MIB1: variants seen among roughly 807,000 people sequenced by gnomAD.
MIB1 encodes the protein MIB E3 ubiquitin protein ligase 1.
Under a neutral mutation model 124.5 loss-of-function variants are expected in MIB1, and 278 were observed. The ratio of observed to expected loss-of-function variants is 2.23; its 90% CI spans 2.02 to 2.47. The LOEUF is 2.47. Ranked by LOEUF, MIB1 falls within the 30% of genes most tolerant of loss-of-function variation. MIB1 has a pLI of 0.00. For missense variants in MIB1, 957 were observed against 1,254.4 expected (o/e 0.76, Z 3.58); for synonymous variants, 446 against 429.4 (o/e 1.04, Z -0.48).
At chr18:21,853,327 A>C in intron 18 of MIB1, 109 bp downstream of exon 18, 1 of 741,880 alleles carries the variant, frequency 1.3e-6, no homozygotes, top group Non-Finnish European at 2.3e-6. Flanking sequence ...ACTCATAAAA[A>C]AGTTGATGGG....
chr18:21,775,710 T>G (rs2041277549), intron 4 of MIB1, among the ~76,000 whole-genome samples: 1 of 152,250 alleles, frequency 6.6e-6, no homozygotes, highest in South Asian at 2.1e-4. Context: ...ATTGTTAATT[T>G]TCTTCAAATG....
chr18:21,793,319 C>G (rs940532501), intron 7 of MIB1, among the ~76,000 whole-genome samples: 1 of 152,132 alleles, frequency 6.6e-6, no homozygotes, highest in Non-Finnish European at 1.5e-5. Context: ...CAGAGCCTCA[C>G]TTTGAGGAGA....
chr18:21,843,829 C>A (rs2042112050), intron 14 of MIB1, among the ~76,000 whole-genome samples: 1 of 152,162 alleles, frequency 6.6e-6, no homozygotes, highest in Admixed American at 6.5e-5. Context: ...TTATCATCAT[C>A]TTAGAGTAGA....
chr18:21,855,672 G>A (rs1243028938), intron 18 of MIB1, among the ~76,000 whole-genome samples: 2 of 152,146 alleles, frequency 1.3e-5, no homozygotes, highest in Non-Finnish European at 2.9e-5. Flanking sequence ...CCAGCAGTGT[G>A]CATGGCAAAC....
intron 12 of MIB1, chr18:21,825,624 TA>T (rs1263846864): frequency 6.1e-6 from 3 of 488,908 alleles, no homozygotes; most frequent in African/African-American, 5.9e-5. Context: ...ACAGTCTGCA[TA>T]ATGTAAATAA....
chr18:21,781,309 T>C (rs2146428651), intron 6 of MIB1, among the ~76,000 whole-genome samples: 1 of 143,240 alleles, frequency 7.0e-6, no homozygotes, highest in East Asian at 2.1e-4. Context: ...TTTTCTCTGA[T>C]GGGAGATATT....
At position 21,741,685 on chromosome 18, in the gene MIB1, C is replaced by T. The variant is rs754310726; in HGVS notation, c.102C>T (p.Gly34=). Residue 34 remains glycine (G), a synonymous_variant, in exon 1 of 21, where the codon GGC becomes GGT. Coordinates refer to ENST00000261537, the MANE Select transcript of MIB1 (RefSeq NM_020774.4). This position sits in a 1 kb window ranked among gnomAD's most constrained non-coding sequence, Gnocchi z 5.4. The stretch of plus-strand genomic sequence containing the variant: ...GGGGGAAGCAGGACGGCGGCGAGGG[C>T]CATGTGGGCACCGTCCGGAGCTTCG... The part of the protein sequence containing the change: ...WKWGKQDGGE[G]HVGTVRSFES... 9 of 1,611,216 alleles carry T rather than the reference C, an allele frequency of 5.6e-6. No individual in the cohort carries two copies. The South Asian group carries it at 9.9e-5, about 18-fold the overall frequency.
At chr18:21,812,917 A>G (rs535276628) in intron 10 of MIB1, among the ~76,000 whole-genome samples, 1 of 152,338 alleles carries the variant, frequency 6.6e-6, no homozygotes, top group South Asian at 2.1e-4. Context: ...CAAAACTTAC[A>G]AGTTAAGATT....
intron 12 of MIB1, among the ~76,000 whole-genome samples, chr18:21,835,374 TTGAA>T (rs2042017402): frequency 6.6e-6 from 1 of 151,962 alleles, no homozygotes; most frequent in African/African-American, 2.4e-5. Context: ...GCAGGACAAA[TTGAA>T]TGTGGACATA....
chr18:21,813,665 A>G lies in MIB1; in HGVS notation c.1480-1951A>G, dbSNP rs145322565. Among the ~76,000 whole-genome samples the G allele has an allele frequency of 3.9e-4, 59 of 152,352 alleles. 1 individual carries two copies. The South Asian group carries it at 9.7e-3, about 25-fold the overall frequency. On this transcript the variant is annotated intron_variant, in intron 10 of 20. Transcript: ENST00000261537. ...AGAAAATACGCAAAGACCAAAAACT[A>G]CTTTGAGTTCTGTAACTGTTTTGAA... is the stretch of plus-strand genomic sequence containing the variant.
chr18:21,841,876 A>C (rs1283212509), intron 13 of MIB1, among the ~76,000 whole-genome samples: 1 of 152,148 alleles, frequency 6.6e-6, no homozygotes, highest in African/African-American at 2.4e-5. Flanking sequence ...CTATGCAATG[A>C]ATACTACTTA....
At chr18:21,712,866 A>C (rs1357184419) in intron 1 of MIB1, among the ~76,000 whole-genome samples, 1 of 152,214 alleles carries the variant, frequency 6.6e-6, no homozygotes, top group Non-Finnish European at 1.5e-5. Flanking sequence ...AGAATATAAA[A>C]GGGTCCTACA....
intron 11 of MIB1, among the ~76,000 whole-genome samples, chr18:21,816,891 T>TG (rs966265889): frequency 1.9e-4 from 29 of 151,820 alleles, no homozygotes; most frequent in African/African-American, 6.0e-4. Flanking sequence ...AGGGAAGAAT[T>TG]GGGGGGGTGT....
intron 1 of MIB1, 22 bp from the exon 2 acceptor site, chr18:21,765,750 G>T (rs551926425): frequency 2.5e-6 from 4 of 1,604,858 alleles, no homozygotes; most frequent in Non-Finnish European, 3.4e-6. Context: ...ATTAATCTGA[G>T]CATGTGTCCT....
intron 6 of MIB1, among the ~76,000 whole-genome samples, chr18:21,785,879 A>G (rs1568201111): frequency 6.6e-6 from 1 of 152,224 alleles, no homozygotes; most frequent in Non-Finnish European, 1.5e-5. Flanking sequence ...TTTGGTTGGT[A>G]CAGTATTCTT....
chr18:21,805,184 T>G (rs2041690369), intron 10 of MIB1, among the ~76,000 whole-genome samples: 1 of 151,976 alleles, frequency 6.6e-6, no homozygotes, highest in Non-Finnish European at 1.5e-5. Flanking sequence ...GGGTAATTTT[T>G]GTATTTTTAG....
At chr18:21,715,026 G>A (rs947489162) in intron 1 of MIB1, among the ~76,000 whole-genome samples, 1 of 152,102 alleles carries the variant, frequency 6.6e-6, no homozygotes, top group African/African-American at 2.4e-5. Flanking sequence ...GTCTCGCTTC[G>A]TGAACTTTTG....
At chr18:21,831,856 A>T (rs576846914) in intron 12 of MIB1, among the ~76,000 whole-genome samples, 128 of 152,306 alleles carry the variant, frequency 8.4e-4, no homozygotes, top group South Asian at 1.7e-3. Flanking sequence ...ACAGTTATGG[A>T]ACAAGTGAAG....
chr18:21,802,497 T>C (rs2041661041), intron 9 of MIB1, among the ~76,000 whole-genome samples: 1 of 152,196 alleles, frequency 6.6e-6, no homozygotes, highest in Admixed American at 6.5e-5. Flanking sequence ...TCTTGGTTGC[T>C]CTTTTCACAT....
Sources: allele counts gnomAD v4.1 joint callset (sites outside exome capture counted in the v4.1 genomes callset), GRCh38; gene constraint gnomAD v4.1.1; non-coding constraint Gnocchi (gnomAD v3.1); transcripts MANE v1.5; gene names NCBI Gene and HGNC (gene_info 2026-07-23, HGNC 2026-07-21).